The following SLCO1A2 variants were observed in gnomAD, a reference collection of about 807,000 sequenced individuals.
SLCO1A2 encodes the protein solute carrier organic anion transporter family member 1A2, also known as OATP-1.
In SLCO1A2, 67 loss-of-function variants were observed where a neutral mutation model predicts 69.0. The ratio of observed to expected loss-of-function variants is 0.97; its 90% CI spans 0.80 to 1.19. SLCO1A2 has a LOEUF of 1.19. SLCO1A2 is among the 50% of genes most tolerant of loss of function. The probability of loss-of-function intolerance (pLI) is 0.00; values close to 1 mark genes in which losing one functional copy is unlikely to be tolerated. For synonymous variants in SLCO1A2, 260 were observed against 265.9 expected (o/e 0.98, Z 0.22); for missense variants, 787 against 793.7 (o/e 0.99, Z 0.10).
chr12:21,378,528 T>C (rs1940375893), intron 1 of SLCO1A2: 1 of 996,862 alleles, frequency 1.0e-6, no homozygotes, highest in Admixed American at 1.8e-5. Context: ...GGTCTGTGTG[T>C]CTGATGTTTG....
upstream of SLCO1A2, among the ~76,000 whole-genome samples, chr12:21,339,425 A>C: frequency 6.6e-6 from 1 of 151,980 alleles, no homozygotes. Flanking sequence ...TTGGGCTTTG[A>C]AATTAGGTAC....
At chr12:21,395,650 G>A (rs367555763), upstream of SLCO1A2, among the ~76,000 whole-genome samples, 1 of 152,170 alleles carries the variant, frequency 6.6e-6, no homozygotes, top group Admixed American at 6.5e-5. Context: ...AGAGCAGTGG[G>A]TCTCCCAGCA....
At chr12:21,398,524 A>G (rs1941563280), upstream of SLCO1A2, among the ~76,000 whole-genome samples, 5 of 151,788 alleles carry the variant, frequency 3.3e-5, no homozygotes, top group Middle Eastern at 3.4e-3. Context: ...AACTCATTTT[A>G]TGAGGCCAGC....
intron 1 of SLCO1A2, among the ~76,000 whole-genome samples, chr12:21,386,491 T>C (rs1299653618): frequency 6.6e-6 from 1 of 152,066 alleles, no homozygotes; most frequent in Non-Finnish European, 1.5e-5. Context: ...GTTCTCATGA[T>C]AGTGAATAAG....
At chr12:21,304,329 C>G (rs1439893382) in intron 6 of SLCO1A2, 98 bp downstream of exon 6, 4 of 969,108 alleles carry the variant, frequency 4.1e-6, no homozygotes, top group Admixed American at 2.4e-5. Context: ...CTCTACTCAT[C>G]ATTGTGGAAA....
chr12:21,274,531 G>T lies in SLCO1A2; in HGVS notation c.1731C>A (p.His577Gln). Reference protein sequence around the residue: ...FGALMDSTCLHWGTLKCGESG... With the variant: ...FGALMDSTCLQWGTLKCGESG... ...ACTCACCACATTTCAAAGTTCCCCA[G>T]TGTAAACATGTGGAATCCATTAAAG... Residue 577 changes from histidine to glutamine, a missense_variant, in exon 14 of 15, where the codon CAC (histidine) becomes CAA (glutamine). Physicochemically the swap from His to Gln is conservative, Grantham distance 24. Coordinates refer to ENST00000683939, the MANE Select transcript of SLCO1A2 (RefSeq NM_001386879.1). 1.2e-6 allele frequency: 2 copies of T among 1,613,742 alleles called. No individual in the cohort carries two copies. Among genetic ancestry groups the T allele is most frequent in the Non-Finnish European group, 1.7e-6 (2 of 1,179,762 alleles).
chr12:21,301,054 T>A, intron 7 of SLCO1A2, 117 bp downstream of exon 7: 1 of 547,368 alleles, frequency 1.8e-6, no homozygotes, highest in Non-Finnish European at 3.0e-6. Flanking sequence ...TTCTCACTTT[T>A]AAAGTAGAGA....
chr12:21,277,260 A>G (rs1944032224), intron 12 of SLCO1A2, among the ~76,000 whole-genome samples: 2 of 144,826 alleles, frequency 1.4e-5, no homozygotes, highest in African/African-American at 5.1e-5. Flanking sequence ...TCCAGGCCCT[A>G]GCTCCTGGCT....
At chr12:21,328,899 GAC>G (rs1445538619) in intron 2 of SLCO1A2, among the ~76,000 whole-genome samples, 1 of 152,176 alleles carries the variant, frequency 6.6e-6, no homozygotes, top group Non-Finnish European at 1.5e-5. Context: ...CAGTTATAAA[GAC>G]AGTTTCACAT....
At chr12:21,300,950 G>T (rs1039956183) in intron 7 of SLCO1A2, among the ~76,000 whole-genome samples, 3 of 152,152 alleles carry the variant, frequency 2.0e-5, no homozygotes, top group Non-Finnish European at 4.4e-5. Flanking sequence ...ACTAGAAATA[G>T]CATGTGATTC....
Position 21,389,637 on chromosome 12 carries a change from T to C in SLCO1A2, c.-190+5269A>G, listed in dbSNP as rs192163413. Among the ~76,000 whole-genome samples, 603 of 152,154 alleles carry C rather than the reference T, an allele frequency of 4.0e-3. 8 individuals carry two copies. The highest frequency in any genetic ancestry group is 0.014 in the African/African-American group (589 of 41,552). ...TAGCAAAATCAAAGATTTTTTGACATGACATTATAGTTCATATTGAATTTA... is the reference window on the plus strand; with the variant it reads ...TAGCAAAATCAAAGATTTTTTGACACGACATTATAGTTCATATTGAATTTA... On this transcript the variant is annotated intron_variant, in intron 1 of 15. Coordinates refer to the SLCO1A2 transcript ENST00000307378.
At position 21,319,999 on chromosome 12, in the gene SLCO1A2, T is replaced by C. The variant is rs182839213; in HGVS notation, c.61-1076A>G. 2.4e-4 allele frequency among the ~76,000 whole-genome samples: 36 copies of C among 152,318 alleles called. No individual in the cohort carries two copies. In the East Asian group the frequency reaches 6.8e-3, roughly 29 times the overall value. ...AATTACTGCTTCAAAATGAACAAAT[T>C]ATAGATAGATTTACATCAACTTGAA... On this transcript the variant is annotated intron_variant, in intron 2 of 14. Coordinates refer to ENST00000683939, the MANE Select transcript of SLCO1A2 (RefSeq NM_001386879.1).
chr12:21,299,827 C>T (rs931944020), intron 8 of SLCO1A2, among the ~76,000 whole-genome samples: 4 of 139,554 alleles, frequency 2.9e-5, no homozygotes, highest in African/African-American at 1.1e-4. Context: ...CACATATACA[C>T]ACACATATAT....
intron 2 of SLCO1A2, among the ~76,000 whole-genome samples, chr12:21,362,421 A>G (rs958848967): frequency 6.6e-6 from 1 of 152,168 alleles, no homozygotes; most frequent in Non-Finnish European, 1.5e-5. Flanking sequence ...GAAAGGAACA[A>G]CCGGTACGAG....
chr12:21,325,893 C>T (rs1952187625), intron 2 of SLCO1A2, among the ~76,000 whole-genome samples: 1 of 152,148 alleles, frequency 6.6e-6, no homozygotes, highest in African/African-American at 2.4e-5. Flanking sequence ...GTCTGTGATT[C>T]TGTGGTAGTA....
intron 2 of SLCO1A2, among the ~76,000 whole-genome samples, chr12:21,351,260 AGTTCAAT>A (rs1470191235): frequency 2.0e-5 from 3 of 152,222 alleles, no homozygotes; most frequent in Non-Finnish European, 4.4e-5. Flanking sequence ...GAGGTCACAA[AGTTCAAT>A]GTTTGCTTGG....
chr12:21,347,667 A>AG (rs879400891), intron 2 of SLCO1A2, among the ~76,000 whole-genome samples: 11,621 of 134,696 alleles, frequency 0.086, 600 homozygotes, highest in African/African-American at 0.14. Flanking sequence ...GAAGAAAGAA[A>AG]GAAAGGAAGG....
chr12:21,297,822 T>A (rs1221260332), intron 8 of SLCO1A2, among the ~76,000 whole-genome samples: 1 of 152,138 alleles, frequency 6.6e-6, no homozygotes, highest in East Asian at 1.9e-4. Flanking sequence ...CACTGTTGAG[T>A]CTTAAAGATC....
chr12:21,365,841 A>G (rs1353656131), intron 2 of SLCO1A2, among the ~76,000 whole-genome samples: 2 of 152,236 alleles, frequency 1.3e-5, no homozygotes, highest in African/African-American at 4.8e-5. Context: ...CATCAAAACC[A>G]CAATGAGATA....
Sources: allele counts gnomAD v4.1 joint callset (sites outside exome capture counted in the v4.1 genomes callset), GRCh38; gene constraint gnomAD v4.1.1; transcripts MANE v1.5; gene names NCBI Gene and HGNC (gene_info 2026-07-23, HGNC 2026-07-21).